Variants in KNTC1 observed in about 807,000 individuals in gnomAD.
KNTC1 encodes the protein kinetochore associated 1, also known as kinetochore-associated protein 1.
Under a neutral mutation model 314.4 loss-of-function variants are expected in KNTC1, and 253 were observed. That is an observed-to-expected ratio of 0.80 (90% CI 0.73 to 0.89). KNTC1 has a LOEUF of 0.89. Among genes scored for constraint, KNTC1 ranks in the 40% least tolerant of loss-of-function variants. The pLI is 0.00. For missense variants in KNTC1, 2,475 were observed against 2,572.9 expected (o/e 0.96, Z 0.82); for synonymous variants, 901 against 901.4 (o/e 1.00, Z 0.01).
Position 122,573,017 on chromosome 12 carries a change from G to C in KNTC1, c.2100G>C (p.Arg700Ser). ...NNLRELITLH[R>S]KYNCKLALSD... ...TGCGAGAGTTGATCACGTTGCATAGGAAGTACAACTGCAAATTAGCCCTCT... is the reference window on the plus strand; with the variant it reads ...TGCGAGAGTTGATCACGTTGCATAGCAAGTACAACTGCAAATTAGCCCTCT... The change falls in exon 25 of 64, where the codon AGG becomes AGC. Residue 700 changes from arginine (R) to serine (S), a missense_variant. Physicochemically the swap from Arg to Ser is moderately radical, Grantham distance 110. Coordinates refer to ENST00000333479, the MANE Select transcript of KNTC1 (RefSeq NM_014708.6). 6.2e-7 allele frequency: 1 copy of C among 1,611,428 alleles called. No homozygotes were observed. The highest frequency in any genetic ancestry group is 8.5e-7 in the Non-Finnish European group (1 of 1,178,490).
intron 2 of KNTC1, among the ~76,000 whole-genome samples, chr12:122,532,807 G>C (rs1309475953): frequency 1.3e-5 from 2 of 152,226 alleles, no homozygotes. Flanking sequence ...GCTTAGCTGT[G>C]CAAGTCAGTA....
At chr12:122,586,975 G>T (rs561414505) in intron 38 of KNTC1, among the ~76,000 whole-genome samples, 1 of 151,404 alleles carries the variant, frequency 6.6e-6, no homozygotes, top group Non-Finnish European at 1.5e-5. Context: ...CCACCACGCC[G>T]AGCTAGTTCT....
At position 122,618,661 on chromosome 12, in the gene KNTC1, G is replaced by A. The variant is rs1199891873; in HGVS notation, c.6149+116G>A. 7 of 807,326 alleles carry A rather than the reference G, an allele frequency of 8.7e-6. No individual in the cohort carries two copies. In the South Asian group the frequency reaches 9.2e-5, roughly 11 times the overall value. 50.0% of individuals were successfully genotyped at this position (807,326 alleles called of 1,614,324 possible). Reference sequence around the variant, plus strand: ...TTTGTTAGGAAGTTAAGCATAACACGTGTTTGTTGTTGTTGTTGTTGTTTT... The same window carrying A: ...TTTGTTAGGAAGTTAAGCATAACACATGTTTGTTGTTGTTGTTGTTGTTTT... On this transcript the variant is annotated intron_variant, in intron 59 of 63. Coordinates refer to ENST00000333479, the MANE Select transcript of KNTC1 (RefSeq NM_014708.6).
chr12:122,549,740 A>T (rs1181518598), intron 12 of KNTC1, 26 bp from the exon 13 acceptor site: 1 of 1,134,216 alleles, frequency 8.8e-7, no homozygotes, highest in East Asian at 2.5e-5. Flanking sequence ...GATCTGCTAA[A>T]TTAATTGCTC....
At chr12:122,609,486 A>C in intron 52 of KNTC1, 56 bp downstream of exon 52, 1 of 1,161,714 alleles carries the variant, frequency 8.6e-7, no homozygotes, top group East Asian at 2.5e-5. Context: ...TAGAAATCTT[A>C]CCAGTACATT....
rs201295949 is a variant in KNTC1, at chr12:122,602,898, A to G, written c.4884+11A>G. On this transcript the variant is annotated intron_variant, in intron 47 of 63. Transcript: ENST00000333479. ...TCGAAATTAATGAAGGTAATGGATT[A>G]AAACATTGTAAGACATTTCTGTATC... 6.3e-7 allele frequency: 1 copy of G among 1,583,616 alleles called. No homozygotes were observed. Among genetic ancestry groups the G allele is most frequent in the Non-Finnish European group, 8.7e-7 (1 of 1,153,624 alleles).
At chr12:122,559,891 A>T (rs1380674720) in intron 18 of KNTC1, among the ~76,000 whole-genome samples, 1 of 152,178 alleles carries the variant, frequency 6.6e-6, no homozygotes, top group Non-Finnish European at 1.5e-5. Flanking sequence ...AAGCATTTTT[A>T]AATTTAATGG....
At chr12:122,585,352 T>C (rs1869107779) in intron 36 of KNTC1, among the ~76,000 whole-genome samples, 1 of 152,182 alleles carries the variant, frequency 6.6e-6, no homozygotes, top group Non-Finnish European at 1.5e-5. Flanking sequence ...CGTTTTTTAA[T>C]CATTTGCAAA....
In KNTC1 at chr12:122,590,694, A is replaced by G. The variant is rs1282750877; in HGVS notation, c.4087A>G (p.Lys1363Glu). The change falls in exon 41 of 64, where the codon AAG (lysine) becomes GAG (glutamate). Residue 1363 changes from lysine (K) to glutamate (E), a missense_variant. Physicochemically the swap from Lys to Glu is moderately conservative, Grantham distance 56. Transcript: ENST00000333479. ...AAAAGATGTGTTTGAAAATCTCTGG[A>G]AGCTCATAGATAAAGCATGGCAGAA... ...PQKDVFENLW[K>E]LIDKAWQNYD... 1.2e-6 allele frequency: 2 copies of G among 1,613,522 alleles called. No individual in the cohort carries two copies. Among genetic ancestry groups the G allele is most frequent in the Non-Finnish European group, 1.7e-6 (2 of 1,179,702 alleles).
Position 122,530,046 on chromosome 12 carries a change from G to A in KNTC1, c.-18G>A. ...GGAAAGACAGTGGTTCCTGACTCAGGAAGACAGTCTCAGAAACATGTGGAA... is the reference window on the plus strand; with the variant it reads ...GGAAAGACAGTGGTTCCTGACTCAGAAAGACAGTCTCAGAAACATGTGGAA... On this transcript the variant is annotated 5_prime_UTR_variant, in exon 2 of 64. Transcript: ENST00000333479. 6.2e-7 allele frequency: 1 copy of A among 1,611,822 alleles called. No homozygotes were observed. Among genetic ancestry groups the A allele is most frequent in the Non-Finnish European group, 8.5e-7 (1 of 1,178,812 alleles).
chr12:122,594,334 C>T lies in KNTC1; in HGVS notation c.4304C>T (p.Ala1435Val), dbSNP rs750784882. The change falls in exon 43 of 64, where the codon GCT becomes GTT. Residue 1435 changes from alanine (A) to valine (V), a missense_variant. Ala to Val is a moderately conservative substitution (Grantham distance 64, BLOSUM62 0). Coordinates refer to ENST00000333479, the MANE Select transcript of KNTC1 (RefSeq NM_014708.6). The stretch of plus-strand genomic sequence containing the variant: ...CTCACCAAGAAAGACCTCATTAAAG[C>T]TCTTGTGGAGAATATAGATATGGAC... The part of the protein sequence containing the change: ...HFLTKKDLIK[A>V]LVENIDMDTS... 1.2e-6 allele frequency: 2 copies of T among 1,610,668 alleles called. No homozygotes were observed. Among genetic ancestry groups the T allele is most frequent in the Non-Finnish European group, 1.7e-6 (2 of 1,177,154 alleles).
chr12:122,609,283 C>T (rs569719168), intron 51 of KNTC1, 101 bp from the exon 52 acceptor site: 5 of 730,780 alleles, frequency 6.8e-6, no homozygotes, highest in East Asian at 2.7e-5. Context: ...AACATAATAT[C>T]GTATATTAGG....
Position 122,561,986 on chromosome 12 carries a change from A to G in KNTC1, c.1542+12A>G. The G allele has an allele frequency of 3.1e-6, 5 of 1,594,750 alleles. No homozygotes were observed. The highest frequency in any genetic ancestry group is 3.4e-6 in the Non-Finnish European group (4 of 1,167,364). On this transcript the variant is annotated intron_variant, in intron 19 of 63. Transcript: ENST00000333479. ...ATGGCTTGAAAGAGGTAATTACACT[A>G]GATTTCTAGGTTAATATGTGGGTGA... is the stretch of plus-strand genomic sequence containing the variant.
In KNTC1 at chr12:122,622,547, T is replaced by TG; in HGVS notation, c.6456dup (p.His2153AlafsTer10). On this transcript the variant is annotated frameshift_variant, in exon 62 of 64. Coordinates refer to ENST00000333479, the MANE Select transcript of KNTC1 (RefSeq NM_014708.6). LOFTEE classifies it high-confidence loss of function. Reference sequence around the variant, plus strand: ...ACCAAATACTTTCAAATGTTGAAGATGCATGCGATGAATACCAACAATATC... The same window carrying TG: ...ACCAAATACTTTCAAATGTTGAAGATGGCATGCGATGAATACCAACAATATC... The TG allele has an allele frequency of 6.3e-7, 1 of 1,575,060 alleles. No homozygotes were observed. The highest frequency in any genetic ancestry group is 1.3e-5 in the African/African-American group (1 of 74,278).
intron 34 of KNTC1, 54 bp downstream of exon 34, chr12:122,583,039 C>T (rs958781066): frequency 1.6e-5 from 25 of 1,519,272 alleles, no homozygotes; most frequent in African/African-American, 8.3e-5. Flanking sequence ...CGGCTGGGCA[C>T]GGTAACTCAT....
At chr12:122,565,975 C>G (rs1226366433) in intron 20 of KNTC1, among the ~76,000 whole-genome samples, 1 of 125,286 alleles carries the variant, frequency 8.0e-6, no homozygotes, top group East Asian at 2.4e-4. Context: ...TTTTTTGAGA[C>G]AGAGTCTAGG....
At chr12:122,559,120 G>A (rs1377249495) in intron 18 of KNTC1, among the ~76,000 whole-genome samples, 2 of 152,106 alleles carry the variant, frequency 1.3e-5, no homozygotes, top group Non-Finnish European at 2.9e-5. Flanking sequence ...AGGCCGAGGT[G>A]GGCAGATCAC....
Position 122,586,724 on chromosome 12 carries a change from T to A in KNTC1, c.3697T>A (p.Ser1233Thr). 6.7e-7 allele frequency: 1 copy of A among 1,497,032 alleles called. No individual in the cohort carries two copies. Among genetic ancestry groups the A allele is most frequent in the Non-Finnish European group, 9.0e-7 (1 of 1,111,530 alleles). The allele number at this position is 1,497,032 out of a possible 1,614,324, so 92.7% of individuals were successfully genotyped here. A position where few individuals can be genotyped will look rare whatever the true frequency, so the allele number is the denominator to read the frequency against. ...LAESKRYPLE[S>T]TSLPYCSLNE... is the part of the protein sequence containing the mutation. ...AGAAAGCAAGAGATATCCCTTGGAG[T>A]CTACCAGTTTGCCATACTGCTCCCT... Residue 1233 changes from serine (S) to threonine (T), a missense_variant, in exon 38 of 64, where the codon TCT becomes ACT. Coordinates refer to ENST00000333479, the MANE Select transcript of KNTC1 (RefSeq NM_014708.6).
In KNTC1 at chr12:122,591,749, C is replaced by T. The variant is rs76417477; in HGVS notation, c.4245+296C>T. ...ACATTTATGCTATTTCAGGCCTAGCCTTTAGCCTCATACTTTTGTTTTCTG... is the reference window on the plus strand; with the variant it reads ...ACATTTATGCTATTTCAGGCCTAGCTTTTAGCCTCATACTTTTGTTTTCTG... On this transcript the variant is annotated intron_variant, in intron 42 of 63. Transcript: ENST00000333479. Among the ~76,000 whole-genome samples the T allele has an allele frequency of 7.5e-3, 1,134 of 152,200 alleles. 42 individuals carry two copies. The highest frequency in any genetic ancestry group is 0.059 in the Admixed American group (902 of 15,274).
Sources: gnomAD v4.1 joint callset for allele counts (sites outside exome capture counted in the v4.1 genomes callset) on GRCh38, gnomAD v4.1.1 for gene constraint, MANE v1.5 for transcripts, NCBI Gene and HGNC (gene_info 2026-07-23, HGNC 2026-07-21) for gene names.